The following ITGBL1 variants were observed in gnomAD, a reference collection of about 807,000 sequenced individuals.
ITGBL1 encodes integrin beta-like protein 1.
A neutral mutation model predicts 68.5 loss-of-function variants in ITGBL1; 51 were observed. The ratio of observed to expected loss-of-function variants is 0.74; its 90% confidence interval spans 0.59 to 0.94. ITGBL1 has a LOEUF of 0.94. Among genes scored for constraint, ITGBL1 ranks in the 40% least tolerant of loss-of-function variants. The pLI is 0.00. For missense variants in ITGBL1, 649 were observed against 647.4 expected (o/e 1.00, Z -0.03); for synonymous variants, 209 against 227.3 (o/e 0.92, Z 0.72).
intron 2 of ITGBL1, among the ~76,000 whole-genome samples, chr13:101,542,593 T>G (rs549627945): frequency 4.7e-4 from 71 of 152,336 alleles, no homozygotes; most frequent in African/African-American, 1.6e-3. Context: ...AGAGCTGATT[T>G]CAATTCCTGG....
intron 7 of ITGBL1, among the ~76,000 whole-genome samples, chr13:101,612,739 C>T (rs1221579846): frequency 6.6e-6 from 1 of 152,044 alleles, no homozygotes; most frequent in African/African-American, 2.4e-5. Flanking sequence ...GTCTTGTGAC[C>T]ACACAAGGGT....
chr13:101,503,949 CATT>C (rs1418960069), intron 2 of ITGBL1, among the ~76,000 whole-genome samples: 5 of 152,114 alleles, frequency 3.3e-5, no homozygotes, highest in African/African-American at 7.2e-5. Flanking sequence ...ATCGTGAAAT[CATT>C]ATTCTCACTT....
chr13:101,697,473 T>C (rs747745214), intron 8 of ITGBL1, among the ~76,000 whole-genome samples: 13 of 152,226 alleles, frequency 8.5e-5, no homozygotes, highest in Admixed American at 1.3e-4. Flanking sequence ...GTGTGCACTT[T>C]GTTGCATTTT....
chr13:101,540,529 A>G (rs1181905948), intron 2 of ITGBL1, among the ~76,000 whole-genome samples: 3 of 152,120 alleles, frequency 2.0e-5, no homozygotes, highest in Non-Finnish European at 4.4e-5. Flanking sequence ...TTGACTTGGC[A>G]ATGTGGGCTC....
At chr13:101,457,330 A>C (rs1429762212) in intron 2 of ITGBL1, among the ~76,000 whole-genome samples, 2 of 152,202 alleles carry the variant, frequency 1.3e-5, no homozygotes, top group African/African-American at 2.4e-5. Flanking sequence ...TTCAAGGCCC[A>C]AAAAGTCAAG....
intron 7 of ITGBL1, among the ~76,000 whole-genome samples, chr13:101,638,417 C>G (rs760078967): frequency 5.8e-5 from 7 of 121,476 alleles, no homozygotes; most frequent in Non-Finnish European, 1.0e-4. Context: ...TCAGTATTTA[C>G]CTTCTTTCTT....
chr13:101,604,394 G>A (rs180685072), intron 7 of ITGBL1, among the ~76,000 whole-genome samples: 2 of 151,846 alleles, frequency 1.3e-5, no homozygotes, highest in Non-Finnish European at 2.9e-5. Context: ...TTGAGTAAAT[G>A]TATAGAATTA....
rs1307529776 is a variant in ITGBL1, at chr13:101,604,879, T to TACACACACAC, written c.1015+6581_1015+6582insCACACACACA. On this transcript the variant is annotated intron_variant, in intron 7 of 10. Transcript: ENST00000376180. ...ATATATATATATATATATATATATA[T>TACACACACAC]ATATATATACACACACACACACATA... is the stretch of plus-strand genomic sequence containing the variant. Among the ~76,000 whole-genome samples the TACACACACAC allele has an allele frequency of 2.3e-4, 3 of 13,314 alleles. 1 individual carries two copies. The highest frequency in any genetic ancestry group is 5.4e-4 in the African/African-American group (3 of 5,510). The allele number at this position is 13,314 out of a possible 152,430, so 8.7% of individuals were successfully genotyped here.
At chr13:101,514,664 T>C (rs948107855) in intron 2 of ITGBL1, among the ~76,000 whole-genome samples, 1 of 152,104 alleles carries the variant, frequency 6.6e-6, no homozygotes, top group Non-Finnish European at 1.5e-5. Flanking sequence ...GTTGTCAACA[T>C]CACATCTATT....
intron 7 of ITGBL1, among the ~76,000 whole-genome samples, chr13:101,655,899 G>A (rs2032905783): frequency 1.3e-5 from 2 of 152,154 alleles, no homozygotes; most frequent in African/African-American, 2.4e-5. Context: ...AATATGAGTC[G>A]CCATGGCCCA....
chr13:101,576,297 C>T (rs1160458590), intron 4 of ITGBL1, among the ~76,000 whole-genome samples: 1 of 152,136 alleles, frequency 6.6e-6, no homozygotes. Flanking sequence ...TGCCTCACCA[C>T]TCACGACTGC....
rs765590693 is a variant in ITGBL1 at position 101,715,626 on chromosome 13, A to C, written c.1457A>C (p.Glu486Ala). The C allele has an allele frequency of 6.2e-7, 1 of 1,613,134 alleles. No homozygotes were observed. Among genetic ancestry groups the C allele is most frequent in the Non-Finnish European group, 8.5e-7 (1 of 1,179,170 alleles). ...CWDGWNGNAC[E>A]IWLGSEYP is the part of the protein sequence containing the mutation. ...GATGGATGGAATGGAAATGCATGTG[A>C]AATCTGGCTTGGCTCAGAATATCCT... is the stretch of plus-strand genomic sequence containing the variant. The change falls in exon 11 of 11, where the codon GAA (glutamate) becomes GCA (alanine). Residue 486 changes from glutamate to alanine, a missense_variant. Transcript: ENST00000376180.
intron 2 of ITGBL1, among the ~76,000 whole-genome samples, chr13:101,540,713 A>G (rs145823649): frequency 6.4e-4 from 98 of 152,104 alleles, no homozygotes; most frequent in Non-Finnish European, 1.1e-3. Context: ...ATTCGTTTGT[A>G]TGCTCTTTTA....
intron 2 of ITGBL1, among the ~76,000 whole-genome samples, chr13:101,544,584 C>T (rs1327011488): frequency 6.6e-6 from 1 of 152,176 alleles, no homozygotes; most frequent in African/African-American, 2.4e-5. Flanking sequence ...TCAAAGCTAT[C>T]AGACAGGGAC....
chr13:101,598,805 T>C (rs2030161111), intron 7 of ITGBL1, among the ~76,000 whole-genome samples: 1 of 152,266 alleles, frequency 6.6e-6, no homozygotes, highest in Non-Finnish European at 1.5e-5. Context: ...ATGCTGTATA[T>C]GTGCCATATT....
intron 8 of ITGBL1, among the ~76,000 whole-genome samples, chr13:101,697,618 T>C (rs2034032755): frequency 6.6e-6 from 1 of 152,224 alleles, no homozygotes; most frequent in African/African-American, 2.4e-5. Flanking sequence ...TTCCTGCTTA[T>C]TGTAGTAACT....
intron 7 of ITGBL1, among the ~76,000 whole-genome samples, chr13:101,603,919 C>G (rs908412984): frequency 6.6e-6 from 1 of 151,850 alleles, no homozygotes; most frequent in African/African-American, 2.4e-5. Context: ...TATCTTAAAA[C>G]ATTATTTAAA....
intron 2 of ITGBL1, among the ~76,000 whole-genome samples, chr13:101,521,118 C>A (rs1018568819): frequency 1.3e-5 from 2 of 152,226 alleles, no homozygotes; most frequent in Non-Finnish European, 2.9e-5. Flanking sequence ...TGGGTCGATT[C>A]GAAAGAACAG....
At chr13:101,467,383 G>A (rs916604343) in intron 2 of ITGBL1, among the ~76,000 whole-genome samples, 5 of 152,188 alleles carry the variant, frequency 3.3e-5, no homozygotes, top group African/African-American at 1.2e-4. Context: ...CAGCTAGACT[G>A]AGAGTATCAG....
Sources: allele counts gnomAD v4.1 joint callset (sites outside exome capture counted in the v4.1 genomes callset), GRCh38; gene constraint gnomAD v4.1.1; transcripts MANE v1.5; gene names NCBI Gene and HGNC (gene_info 2026-07-23, HGNC 2026-07-21).